The following ATP10B variants were observed in gnomAD, a reference collection of about 807,000 sequenced individuals.
ATP10B encodes the protein phospholipid-transporting ATPase VB.
In ATP10B, 122 loss-of-function variants were observed where a neutral mutation model predicts 141.2. The observed-to-expected ratio is 0.86, with a 90% CI of 0.75 to 1.00. The LOEUF (loss-of-function observed/expected upper bound fraction) is 1.00. ATP10B is among the 50% of genes least tolerant of loss of function. The probability of loss-of-function intolerance (pLI) is 0.00; values close to 1 mark genes in which losing one functional copy is unlikely to be tolerated. For missense variants in ATP10B, 1,876 were observed against 1,825.3 expected, an observed-to-expected ratio of 1.03 and a Z score of -0.51; for synonymous variants, 685 against 692.0, an observed-to-expected ratio of 0.99 and a Z score of 0.16.
chr5:160,783,841 C>T (rs1483093767), intron 2 of ATP10B, among the ~76,000 whole-genome samples: 6 of 151,862 alleles, frequency 4.0e-5, no homozygotes, highest in Admixed American at 3.9e-4. Context: ...ACTAGTTTAC[C>T]TTCCCACAAG....
chr5:160,669,218 C>T (rs1762507541), intron 7 of ATP10B, among the ~76,000 whole-genome samples: 1 of 152,246 alleles, frequency 6.6e-6, no homozygotes, highest in African/African-American at 2.4e-5. Flanking sequence ...TCAGTCAACA[C>T]ATATTGCCTA....
At chr5:160,636,076 A>C in intron 11 of ATP10B, 106 bp downstream of exon 11, 1 of 1,291,478 alleles carries the variant, frequency 7.7e-7, no homozygotes, top group Non-Finnish European at 1.0e-6. Flanking sequence ...ATCTCAATCC[A>C]GTTTGTACTT....
At chr5:160,766,816 G>GA (rs916103779) in intron 2 of ATP10B, among the ~76,000 whole-genome samples, 11 of 152,006 alleles carry the variant, frequency 7.2e-5, no homozygotes, top group Admixed American at 1.3e-4. Context: ...ATTAGCTTTA[G>GA]AAAAAAAATA....
chr5:160,842,881 C>T (rs575096681), intron 1 of ATP10B, among the ~76,000 whole-genome samples: 3 of 151,882 alleles, frequency 2.0e-5, no homozygotes, highest in Non-Finnish European at 4.4e-5. Flanking sequence ...CTAAGGAGTA[C>T]CATCAATCTT....
At chr5:160,715,199 C>T (rs971213751) in intron 3 of ATP10B, among the ~76,000 whole-genome samples, 1 of 142,592 alleles carries the variant, frequency 7.0e-6, no homozygotes, top group African/African-American at 2.6e-5. Flanking sequence ...CAATGGCGGG[C>T]GCCCCTCCCC....
chr5:160,755,553 C>T (rs986243542), intron 2 of ATP10B, among the ~76,000 whole-genome samples: 4 of 150,898 alleles, frequency 2.7e-5, no homozygotes, highest in East Asian at 1.9e-4. Flanking sequence ...CGGTGGCTCA[C>T]GCCTGTAATC....
At chr5:160,857,105 T>C (rs1222537678), upstream of ATP10B, among the ~76,000 whole-genome samples, 1 of 151,868 alleles carries the variant, frequency 6.6e-6, no homozygotes, top group African/African-American at 2.4e-5. Flanking sequence ...TTCTACTTTA[T>C]CTTCTGGAAA....
intron 1 of ATP10B, among the ~76,000 whole-genome samples, chr5:160,808,371 C>T (rs945656650): frequency 6.6e-6 from 1 of 152,146 alleles, no homozygotes; most frequent in Admixed American, 6.5e-5. Flanking sequence ...TTGAGCATGG[C>T]AAGTTGTCTC....
intron 2 of ATP10B, among the ~76,000 whole-genome samples, chr5:160,730,820 C>G (rs1423169561): frequency 1.3e-5 from 2 of 152,104 alleles, no homozygotes; most frequent in Admixed American, 1.3e-4. Context: ...TTAATGCATC[C>G]TCAAATCAGA....
chr5:160,670,771 C>T, intron 6 of ATP10B, 104 bp from the exon 7 acceptor site: 1 of 1,020,960 alleles, frequency 9.8e-7, no homozygotes, highest in Non-Finnish European at 1.5e-6. Context: ...TCCACCAAGT[C>T]AGCCTGTCAT....
the ATP10B span, among the ~76,000 whole-genome samples, chr5:160,881,219 T>C: frequency 3.9e-5 from 6 of 151,904 alleles, no homozygotes; most frequent in African/African-American, 1.5e-4. Context: ...ATCAGGAAAA[T>C]GCAAACTAAA....
At chr5:160,651,701 G>T (rs1304489383) in intron 7 of ATP10B, among the ~76,000 whole-genome samples, 1 of 152,056 alleles carries the variant, frequency 6.6e-6, no homozygotes, top group African/African-American at 2.4e-5. Flanking sequence ...GCATTTTCTG[G>T]CTTCGTGTAA....
At chr5:160,752,942 T>A (rs1395206032) in intron 2 of ATP10B, among the ~76,000 whole-genome samples, 1 of 152,224 alleles carries the variant, frequency 6.6e-6, no homozygotes, top group Non-Finnish European at 1.5e-5. Flanking sequence ...CCTACACCCA[T>A]CAGTTCCTCT....
At chr5:160,824,430 C>G (rs1257575291) in intron 1 of ATP10B, among the ~76,000 whole-genome samples, 1 of 152,176 alleles carries the variant, frequency 6.6e-6, no homozygotes, top group Non-Finnish European at 1.5e-5. Flanking sequence ...CAACTGCTCC[C>G]AGGCAAGAGG....
chr5:160,630,969 GT>G (rs1758890880), intron 13 of ATP10B, among the ~76,000 whole-genome samples: 1 of 152,150 alleles, frequency 6.6e-6, no homozygotes, highest in South Asian at 2.1e-4. Context: ...TATGGAAAAT[GT>G]TTTTGATATC....
chr5:160,898,776 A>T, the ATP10B span, among the ~76,000 whole-genome samples: 989 of 152,318 alleles, frequency 6.5e-3, 15 homozygotes, highest in African/African-American at 0.023. Flanking sequence ...CCAGATAAAG[A>T]AAATGTGGCA....
At chr5:160,757,256 C>G (rs1017427276) in intron 2 of ATP10B, among the ~76,000 whole-genome samples, 2 of 152,170 alleles carry the variant, frequency 1.3e-5, no homozygotes, top group African/African-American at 4.8e-5. Flanking sequence ...TATGGGTTCA[C>G]TTTCGGACTC....
At chr5:160,893,478 A>G in the ATP10B span, among the ~76,000 whole-genome samples, 4 of 152,190 alleles carry the variant, frequency 2.6e-5, no homozygotes, top group Non-Finnish European at 5.9e-5. Flanking sequence ...TAGCCACTGT[A>G]GCCAGACTTT....
At chr5:160,913,582 C>T in the ATP10B span, among the ~76,000 whole-genome samples, 1 of 152,244 alleles carries the variant, frequency 6.6e-6, no homozygotes, top group South Asian at 2.1e-4. Flanking sequence ...ATCTCCCATC[C>T]TAATTTGGTT....
Sources: allele counts gnomAD v4.1 joint callset (sites outside exome capture counted in the v4.1 genomes callset), GRCh38; gene constraint gnomAD v4.1.1; transcripts MANE v1.5; gene names NCBI Gene and HGNC (gene_info 2026-07-23, HGNC 2026-07-21).